Variants in STYXL2 observed in about 807,000 individuals in gnomAD.
The protein encoded by STYXL2 is serine/threonine/tyrosine interacting like 2, also known as serine/threonine/tyrosine-interacting-like protein 2.
Under a neutral mutation model 52.4 loss-of-function variants are expected in STYXL2, and 44 were observed. The observed-to-expected ratio is 0.84, with a 90% confidence interval of 0.66 to 1.08. STYXL2 has a LOEUF of 1.08. Among genes scored for constraint, STYXL2 ranks in the 50% least tolerant of loss-of-function variants. The pLI is 0.00. For missense variants in STYXL2, 1,604 were observed against 1,471.7 expected (o/e 1.09, Z -1.47); for synonymous variants, 604 against 586.9 (o/e 1.03, Z -0.42).
intron 2 of STYXL2, among the ~76,000 whole-genome samples, chr1:167,111,493 TATATATATATATATATATATACACAC>T (rs1366534341): frequency 0.036 from 2,026 of 56,248 alleles, 86 homozygotes; most frequent in African/African-American, 0.17. Context: ...TATATATATA[TATATATATATATATATATATACACAC>T]ACACACACAC....
At chr1:167,099,293 T>G (rs1490172832) in intron 2 of STYXL2, among the ~76,000 whole-genome samples, 2 of 152,170 alleles carry the variant, frequency 1.3e-5, no homozygotes, top group Non-Finnish European at 2.9e-5. Context: ...GAATCATTTT[T>G]AATAAGAATA....
chr1:167,102,174 C>CT (rs765334243), intron 2 of STYXL2, among the ~76,000 whole-genome samples: 18 of 151,912 alleles, frequency 1.2e-4, no homozygotes, highest in African/African-American at 4.3e-4. Context: ...AGAGGGAGGG[C>CT]TTAAAAAGGG....
chr1:167,117,169 C>T (rs930865480), intron 3 of STYXL2, among the ~76,000 whole-genome samples, 159 bp from the exon 4 acceptor site: 2 of 152,200 alleles, frequency 1.3e-5, no homozygotes, highest in African/African-American at 2.4e-5. Flanking sequence ...GCAGCAGGTA[C>T]CCTGGGCCCA....
chr1:167,116,156 T>C (rs1025756358), intron 3 of STYXL2, among the ~76,000 whole-genome samples: 8 of 152,224 alleles, frequency 5.3e-5, no homozygotes, highest in Admixed American at 5.2e-4. Context: ...TTGGCTACCA[T>C]GTGAGAGGAA....
At chr1:167,120,599 A>G (rs896811535) in intron 5 of STYXL2, among the ~76,000 whole-genome samples, 1 of 151,916 alleles carries the variant, frequency 6.6e-6, no homozygotes, top group African/African-American at 2.4e-5. Context: ...AAGGGAAAAT[A>G]CAAGCACACA....
At chr1:167,105,855 G>A (rs1667497682) in intron 2 of STYXL2, among the ~76,000 whole-genome samples, 1 of 152,202 alleles carries the variant, frequency 6.6e-6, no homozygotes, top group South Asian at 2.1e-4. Context: ...TTTAGCATCA[G>A]CAGCCAAAGA....
rs199616293 is a variant in STYXL2 at position 167,126,264 on chromosome 1, G to A, written c.1133G>A (p.Gly378Asp). Residue 378 changes from glycine to aspartate, a missense_variant, in exon 6 of 6, where the codon GGC becomes GAC. Transcript: ENST00000361200. ...GGTGGCTGGCGCTCAGCCTCCTCTG[G>A]CCAGGGTGGGGAGGAGCTCGAGGAC... ...DGGGWRSASSGQGGEELEDED... is the reference protein window; with the variant it reads ...DGGGWRSASSDQGGEELEDED... 2 of 1,543,682 alleles carry A rather than the reference G, an allele frequency of 1.3e-6. No individual in the cohort carries two copies. Among genetic ancestry groups the A allele is most frequent in the Non-Finnish European group, 1.7e-6 (2 of 1,147,408 alleles).
intron 2 of STYXL2, among the ~76,000 whole-genome samples, chr1:167,103,717 T>G (rs1014768338): frequency 6.6e-6 from 1 of 152,154 alleles, no homozygotes; most frequent in Admixed American, 6.5e-5. Flanking sequence ...GATTCATGAG[T>G]TGACACTGAA....
chr1:167,099,246 A>G (rs989135513), intron 2 of STYXL2, among the ~76,000 whole-genome samples: 4 of 152,230 alleles, frequency 2.6e-5, no homozygotes, highest in Non-Finnish European at 1.5e-5. Context: ...ATTTTTTAAA[A>G]CTATCTCAGC....
intron 2 of STYXL2, among the ~76,000 whole-genome samples, chr1:167,110,798 C>A (rs971583641): frequency 6.6e-6 from 1 of 152,238 alleles, no homozygotes; most frequent in Non-Finnish European, 1.5e-5. Context: ...CTGACTGGCC[C>A]TTACCACATC....
At chr1:167,109,642 T>C (rs7411438) in intron 2 of STYXL2, among the ~76,000 whole-genome samples, 2 of 152,124 alleles carry the variant, frequency 1.3e-5, no homozygotes, top group African/African-American at 4.8e-5. Context: ...CTCTAAGGCC[T>C]CACCCATCAC....
chr1:167,094,878 A>G lies in STYXL2; in HGVS notation c.29A>G (p.Glu10Gly). The G allele has an allele frequency of 2.5e-6, 4 of 1,613,426 alleles. No individual in the cohort carries two copies. The highest frequency in any genetic ancestry group is 1.1e-5 in the South Asian group (1 of 90,806). Residue 10 changes from glutamate (E) to glycine (G), a missense_variant, in exon 2 of 6, where the codon GAG (glutamate) becomes GGG (glycine). Glu to Gly is a moderately conservative substitution (Grantham distance 98). Transcript: ENST00000361200. MATRKDTEE[E>G]QVVPSEEDEA... The stretch of plus-strand genomic sequence containing the variant: ...GCGACCAGAAAGGACACAGAGGAGG[A>G]GCAGGTAGTCCCAAGCGAGGAGGAC...
At position 167,126,445 on chromosome 1, in the gene STYXL2, C is replaced by G. The variant is rs373488300; in HGVS notation, c.1314C>G (p.Ser438Arg). The G allele has an allele frequency of 6.3e-7, 1 of 1,578,134 alleles. No homozygotes were observed. Among genetic ancestry groups the G allele is most frequent in the Non-Finnish European group, 8.6e-7 (1 of 1,162,754 alleles). ...GGCGGCGCACCCTGAGCGAGAGCAG[C>G]GCCTGGGAGAGCGTGAGCAGCCACG... Reference protein sequence around the residue: ...GRRRRTLSESSAWESVSSHDI... With the variant: ...GRRRRTLSESRAWESVSSHDI... The change falls in exon 6 of 6, where the codon AGC (serine) becomes AGG (arginine). Residue 438 changes from serine to arginine, a missense_variant. Coordinates refer to ENST00000361200, the MANE Select transcript of STYXL2 (RefSeq NM_001080426.3).
rs942822032 is a variant in STYXL2 at position 167,128,073 on chromosome 1, C to G, written c.2942C>G (p.Ser981Cys). 1.2e-6 allele frequency: 2 copies of G among 1,614,074 alleles called. No homozygotes were observed. Among genetic ancestry groups the G allele is most frequent in the South Asian group, 2.2e-5 (2 of 91,080 alleles). Residue 981 changes from serine (S) to cysteine (C), a missense_variant, in exon 6 of 6, where the codon TCC (serine) becomes TGC (cysteine). Transcript: ENST00000361200. ...TCTAAATCCTCCAGTTACAAGTTTT[C>G]CAAATCCCAGTCAGAGGAACAGGAC... ...TESKSSSYKF[S>C]KSQSEEQDTS... is the part of the protein sequence containing the mutation.
rs1436337865 is a variant in STYXL2 at position 167,115,591 on chromosome 1, G to A, written c.206-1737G>A. On this transcript the variant is annotated intron_variant, in intron 3 of 5. Transcript: ENST00000361200. The stretch of plus-strand genomic sequence containing the variant: ...AAGACAACACCGTGTATTTTAATGA[G>A]GTGTCAGGAGTCCCACTTTTTATAT... Among the ~76,000 whole-genome samples the A allele has an allele frequency of 2.0e-5, 3 of 152,138 alleles. No individual in the cohort carries two copies. In the South Asian group the frequency reaches 6.2e-4, roughly 32 times the overall value.
chr1:167,105,287 C>A (rs1453192607), intron 2 of STYXL2, among the ~76,000 whole-genome samples: 1 of 152,204 alleles, frequency 6.6e-6, no homozygotes, highest in Non-Finnish European at 1.5e-5. Flanking sequence ...CTAAAGCAAG[C>A]TGCACCACTC....
Position 167,128,582 on chromosome 1 carries a change from A to G in STYXL2, c.3451A>G (p.Lys1151Glu). The change falls in exon 6 of 6, where the codon AAG (lysine) becomes GAG (glutamate). Residue 1151 changes from lysine (K) to glutamate (E), a missense_variant. By Grantham distance (56) the Lys-to-Glu change is moderately conservative. Coordinates refer to ENST00000361200, the MANE Select transcript of STYXL2 (RefSeq NM_001080426.3). ...ACGCCGGCAAGAAGAAACCAGGACC[A>G]AGCTGCAGAAAAGGAGGGAGGACTG... ...WRRRQEETRT[K>E]LQKRRED 6.2e-7 allele frequency: 1 copy of G among 1,612,958 alleles called. No individual in the cohort carries two copies. Among genetic ancestry groups the G allele is most frequent in the Non-Finnish European group, 8.5e-7 (1 of 1,179,870 alleles).
chr1:167,118,172 G>A (rs1275715122), intron 4 of STYXL2, among the ~76,000 whole-genome samples: 1 of 152,058 alleles, frequency 6.6e-6, no homozygotes, highest in Non-Finnish European at 1.5e-5. Context: ...GTTTCCTAAG[G>A]TAGACATTGT....
At position 167,127,733 on chromosome 1, in the gene STYXL2, C is replaced by G. The variant is rs753485339; in HGVS notation, c.2602C>G (p.Leu868Val). 2 of 1,613,832 alleles carry G rather than the reference C, an allele frequency of 1.2e-6. No individual in the cohort carries two copies. Among genetic ancestry groups the G allele is most frequent in the Non-Finnish European group, 1.7e-6 (2 of 1,180,004 alleles). ...GGCCTCAGACAACAAACGCAGCTCC[C>G]TCTTCAAGAAGAAGAAGGTCAAGGA... ...KLASDNKRSS[L>V]FKKKKVKEDE... is the part of the protein sequence containing the mutation. The change falls in exon 6 of 6, where the codon CTC becomes GTC. Residue 868 changes from leucine to valine, a missense_variant. Coordinates refer to ENST00000361200, the MANE Select transcript of STYXL2 (RefSeq NM_001080426.3).
Sources: allele counts gnomAD v4.1 joint callset (sites outside exome capture counted in the v4.1 genomes callset), GRCh38; gene constraint gnomAD v4.1.1; transcripts MANE v1.5; gene names NCBI Gene and HGNC (gene_info 2026-07-23, HGNC 2026-07-21).